Variants in ANO4 observed in about 807,000 individuals in gnomAD.
ANO4 encodes anoctamin 4.
ANO4 carries 69 observed loss-of-function variants against 141.9 expected under a neutral mutation model. That is an observed-to-expected ratio of 0.49 (90% CI 0.40 to 0.59). The LOEUF (loss-of-function observed/expected upper bound fraction) is 0.59. ANO4 is among the 20% of genes least tolerant of loss of function. The probability of loss-of-function intolerance (pLI) is 0.00; values close to 1 mark genes in which losing one functional copy is unlikely to be tolerated. For missense variants in ANO4, 894 were observed against 1,162.2 expected (o/e 0.77, Z 3.36); for synonymous variants, 350 against 394.3 (o/e 0.89, Z 1.33).
At chr12:100,973,938 C>G (rs979758581) in intron 6 of ANO4, among the ~76,000 whole-genome samples, 19 of 152,084 alleles carry the variant, frequency 1.2e-4, no homozygotes, top group African/African-American at 4.6e-4. Flanking sequence ...AAAGCTTTCA[C>G]AAATACGCAA....
chr12:100,801,608 A>G (rs1427217685), intron 1 of ANO4, among the ~76,000 whole-genome samples: 1 of 151,996 alleles, frequency 6.6e-6, no homozygotes, highest in Non-Finnish European at 1.5e-5. Context: ...TGCTATAAAC[A>G]GAGACTGTAG....
intron 14 of ANO4, among the ~76,000 whole-genome samples, chr12:101,061,028 T>G (rs576408649): frequency 6.6e-6 from 1 of 152,312 alleles, no homozygotes; most frequent in East Asian, 1.9e-4. Context: ...CAGTTTTTCC[T>G]TTCCATATTT....
intron 1 of ANO4, among the ~76,000 whole-genome samples, chr12:100,798,199 T>C (rs2034455332): frequency 6.6e-6 from 1 of 152,262 alleles, no homozygotes; most frequent in South Asian, 2.1e-4. Flanking sequence ...GATTATGTGA[T>C]ACAGCTTTTC....
intron 25 of ANO4, among the ~76,000 whole-genome samples, chr12:101,119,273 C>T (rs1161850589): frequency 2.6e-5 from 4 of 152,032 alleles, no homozygotes; most frequent in Admixed American, 2.6e-4. Flanking sequence ...GCCTGGGCAA[C>T]ATGGTAAAAC....
chr12:100,860,211 G>A (rs906788633), intron 1 of ANO4, among the ~76,000 whole-genome samples: 5 of 152,092 alleles, frequency 3.3e-5, no homozygotes, highest in South Asian at 2.1e-4. Context: ...AGCTTGCATC[G>A]TGACCACCTT....
chr12:101,060,508 G>A (rs1465295761), intron 14 of ANO4, among the ~76,000 whole-genome samples: 2 of 152,182 alleles, frequency 1.3e-5, no homozygotes, highest in African/African-American at 4.8e-5. Context: ...TATTGTGTGG[G>A]AGTCTAAGTC....
chr12:100,983,130 A>G lies in ANO4; in HGVS notation c.603-4409A>G, dbSNP rs1025095464. ...GGAGACAGGAATGTGTTTGTGGAAG[A>G]GCAGACTAGGGGAGCACTCACTCAT... On this transcript the variant is annotated intron_variant, in intron 7 of 27. Transcript: ENST00000392977. 5.9e-5 allele frequency among the ~76,000 whole-genome samples: 9 copies of G among 152,210 alleles called. 1 individual carries two copies. Among genetic ancestry groups the G allele is most frequent in the Non-Finnish European group, 1.0e-4 (7 of 68,030 alleles).
chr12:100,882,815 T>A (rs561415298), intron 1 of ANO4, among the ~76,000 whole-genome samples: 2 of 152,222 alleles, frequency 1.3e-5, no homozygotes, highest in African/African-American at 4.8e-5. Flanking sequence ...TCTCCCTTCC[T>A]CAGCCTCCTG....
chr12:100,922,386 T>A, intron 3 of ANO4, 56 bp downstream of exon 3: 1 of 1,244,786 alleles, frequency 8.0e-7, no homozygotes, highest in Non-Finnish European at 1.1e-6. Context: ...TTATAATACT[T>A]GGGAGGGGTA....
At chr12:100,938,416 G>A (rs980645115) in intron 3 of ANO4, among the ~76,000 whole-genome samples, 4 of 152,192 alleles carry the variant, frequency 2.6e-5, no homozygotes, top group African/African-American at 9.7e-5. Flanking sequence ...TGTATTACGT[G>A]CTTGGGTAAG....
chr12:100,752,482 G>C (rs2032425411), intron 3 of ANO4, among the ~76,000 whole-genome samples: 1 of 151,946 alleles, frequency 6.6e-6, no homozygotes, highest in African/African-American at 2.4e-5. Flanking sequence ...AACAAGTCAA[G>C]ATCCATTAAA....
intron 3 of ANO4, among the ~76,000 whole-genome samples, chr12:100,774,787 A>G (rs568332512): frequency 2.0e-4 from 30 of 152,352 alleles, no homozygotes; most frequent in South Asian, 8.3e-4. Flanking sequence ...ATTCTTTCCT[A>G]TAATCATCAG....
chr12:100,793,467 T>G (rs1020834676), upstream of ANO4, among the ~76,000 whole-genome samples: 1 of 152,188 alleles, frequency 6.6e-6, no homozygotes, highest in African/African-American at 2.4e-5. Flanking sequence ...CAAAGTCAGC[T>G]TGCCTACGGG....
chr12:100,813,809 A>G (rs903762872), intron 1 of ANO4, among the ~76,000 whole-genome samples: 1 of 152,198 alleles, frequency 6.6e-6, no homozygotes, highest in Admixed American at 6.5e-5. Context: ...GCCATAAATT[A>G]TATTCTTTGT....
intron 5 of ANO4, among the ~76,000 whole-genome samples, chr12:100,952,963 C>T (rs1401909043): frequency 6.6e-6 from 1 of 151,992 alleles, no homozygotes; most frequent in African/African-American, 2.4e-5. Flanking sequence ...CAAGACAGAC[C>T]AACTTTAAGG....
chr12:100,926,236 A>G (rs2041865456), intron 3 of ANO4, among the ~76,000 whole-genome samples: 5 of 152,112 alleles, frequency 3.3e-5, no homozygotes, highest in Admixed American at 2.6e-4. Context: ...ATGCTTCTAC[A>G]TTGTGAAATA....
At chr12:100,737,507 C>A (rs1188351912) in intron 2 of ANO4, among the ~76,000 whole-genome samples, 4 of 152,142 alleles carry the variant, frequency 2.6e-5, no homozygotes, top group African/African-American at 9.7e-5. Context: ...TCAGGCCCAC[C>A]TGAGGCTTTT....
chr12:100,963,153 G>A (rs1316062396), intron 5 of ANO4, among the ~76,000 whole-genome samples: 2 of 152,154 alleles, frequency 1.3e-5, no homozygotes, highest in African/African-American at 2.4e-5. Context: ...GGTACCAGGT[G>A]CCACAATGAC....
intron 7 of ANO4, among the ~76,000 whole-genome samples, chr12:100,978,602 T>C (rs76671552): frequency 0.14 from 21,741 of 152,130 alleles, 1,771 homozygotes; most frequent in East Asian, 0.4. Context: ...ATCTCTTTAG[T>C]TTTCACTCTT....
Sources: gnomAD v4.1 joint callset for allele counts (sites outside exome capture counted in the v4.1 genomes callset) on GRCh38, gnomAD v4.1.1 for gene constraint, MANE v1.5 for transcripts, NCBI Gene and HGNC (gene_info 2026-07-23, HGNC 2026-07-21) for gene names.